The following DAPK1 variants were observed in gnomAD, a reference collection of about 807,000 sequenced individuals.
The protein encoded by DAPK1 is death-associated protein kinase 1.
A neutral mutation model predicts 144.9 loss-of-function variants in DAPK1; 56 were observed. The ratio of observed to expected loss-of-function variants is 0.39; its 90% CI spans 0.31 to 0.48. The LOEUF is 0.48. DAPK1 is among the 20% of genes least tolerant of loss of function. The pLI is 0.95. For synonymous variants in DAPK1, 690 were observed against 749.0 expected (o/e 0.92, Z 1.29); for missense variants, 1,454 against 1,875.4 (o/e 0.78, Z 4.15).
chr9:87,625,519 G>A (rs781469239), intron 3 of DAPK1, among the ~76,000 whole-genome samples: 45 of 152,194 alleles, frequency 3.0e-4, no homozygotes, highest in Non-Finnish European at 6.0e-4. Context: ...CACTGTGATG[G>A]GCTCAGGCGA....
intron 2 of DAPK1, among the ~76,000 whole-genome samples, chr9:87,587,083 C>T (rs1398438747): frequency 6.6e-6 from 1 of 152,164 alleles, no homozygotes; most frequent in Non-Finnish European, 1.5e-5. Flanking sequence ...AGGTGAGATT[C>T]GGAAGCAGGA....
chr9:87,696,879 A>G lies in DAPK1; in HGVS notation c.2414-128A>G, dbSNP rs375395265. 1.0e-3 allele frequency: 738 copies of G among 724,992 alleles called. 11 individuals are homozygous for G. The South Asian group carries it at 0.011, about 11-fold the overall frequency. The allele number at this position is 724,992 out of a possible 1,614,324, so 44.9% of individuals were successfully genotyped here. A position where few individuals can be genotyped will look rare whatever the true frequency, so the allele number is the denominator to read the frequency against. The stretch of plus-strand genomic sequence containing the variant: ...CCATACCCAAGTCATAACAAGATGT[A>G]TACACATACAGAAGAATGCCATAAG... On this transcript the variant is annotated intron_variant, in intron 21 of 25. Transcript: ENST00000408954.
At chr9:87,639,851 C>G (rs1324695557) in intron 7 of DAPK1, 36 bp downstream of exon 7, 18 of 1,606,606 alleles carry the variant, frequency 1.1e-5, no homozygotes, top group Non-Finnish European at 1.4e-5. Flanking sequence ...ACTCTCTTCT[C>G]TTCTATGAGA....
intron 2 of DAPK1, among the ~76,000 whole-genome samples, chr9:87,543,630 G>A (rs148136597): frequency 4.7e-4 from 72 of 152,182 alleles, no homozygotes; most frequent in African/African-American, 1.6e-3. Context: ...GCATTGTTTG[G>A]CAGTACAGTT....
At position 87,686,814 on chromosome 9, in the gene DAPK1, C is replaced by A; in HGVS notation, c.2413+75C>A. ...GGTTGTAAGTCATCCCTAAAGGGAGCTTGTCCTGAGCTGTATCTGTCACTT... is the reference window on the plus strand; with the variant it reads ...GGTTGTAAGTCATCCCTAAAGGGAGATTGTCCTGAGCTGTATCTGTCACTT... On this transcript the variant is annotated intron_variant, in intron 21 of 25. Transcript: ENST00000408954. The surrounding 1 kb of genome is among the most constrained non-coding windows in gnomAD (Gnocchi z 4.2). 1 of 1,396,644 alleles carries A rather than the reference C, an allele frequency of 7.2e-7. No homozygotes were observed. Among genetic ancestry groups the A allele is most frequent in the Non-Finnish European group, 9.8e-7 (1 of 1,019,762 alleles). 86.5% of individuals were successfully genotyped at this position (1,396,644 alleles called of 1,614,324 possible).
At chr9:87,629,830 C>G (rs1202090113) in intron 3 of DAPK1, among the ~76,000 whole-genome samples, 1 of 152,204 alleles carries the variant, frequency 6.6e-6, no homozygotes, top group Non-Finnish European at 1.5e-5. Flanking sequence ...GAGCTGGATT[C>G]TAAATCCCCC....
intron 2 of DAPK1, among the ~76,000 whole-genome samples, chr9:87,570,652 C>T (rs1276778945): frequency 6.6e-6 from 1 of 152,178 alleles, no homozygotes; most frequent in African/African-American, 2.4e-5. Flanking sequence ...TGGCTTAACC[C>T]AGGCGTGCAC....
rs1483704265 is a variant in DAPK1, at chr9:87,647,302, C to T, written c.1231-3C>T. 1.9e-6 allele frequency: 3 copies of T among 1,613,670 alleles called. No individual in the cohort carries two copies. The highest frequency in any genetic ancestry group is 1.7e-4 in the Middle Eastern group (1 of 6,030). The stretch of plus-strand genomic sequence containing the variant: ...ATGTGACCCCAGGTTGATTTTCCTG[C>T]AGGGCGGGTCCAATGCCGTCTACTG... On this transcript the variant is annotated splice_region_variant and splice_polypyrimidine_tract_variant and intron_variant, in intron 13 of 25. Coordinates refer to ENST00000408954, the MANE Select transcript of DAPK1 (RefSeq NM_004938.4).
chr9:87,563,913 T>C (rs958621761), intron 2 of DAPK1, among the ~76,000 whole-genome samples: 36 of 152,216 alleles, frequency 2.4e-4, no homozygotes, highest in African/African-American at 8.0e-4. Flanking sequence ...CAGTGTCCAC[T>C]CCCTGCTCAT....
chr9:87,705,163 C>G (rs537388651), intron 25 of DAPK1, among the ~76,000 whole-genome samples: 53 of 151,130 alleles, frequency 3.5e-4, no homozygotes, highest in African/African-American at 1.3e-3. Context: ...GTTCTCAAGC[C>G]TTTAGAGAAG....
intron 18 of DAPK1, among the ~76,000 whole-genome samples, chr9:87,662,566 T>TTTTTTTTG (rs1409560375): frequency 1.5e-5 from 2 of 129,724 alleles, no homozygotes; most frequent in African/African-American, 5.8e-5. Context: ...CCTAGTTTTT[T>TTTTTTTTG]TTTTTTTTTT....
chr9:87,592,124 C>T (rs36206046), intron 2 of DAPK1, among the ~76,000 whole-genome samples: 1 of 151,414 alleles, frequency 6.6e-6, no homozygotes, highest in East Asian at 1.9e-4. Flanking sequence ...CAAGCACAGC[C>T]TCTTGATCCA....
chr9:87,707,035 C>T lies in DAPK1; in HGVS notation c.3964C>T (p.Pro1322Ser), dbSNP rs1230357688. Residue 1322 changes from proline to serine, a missense_variant, in exon 26 of 26, where the codon CCC becomes TCC. Pro to Ser is a moderately conservative substitution (Grantham distance 74). This residue lies in a region of DAPK1 where 1,025 missense variants were observed against 1,237.9 expected (regional missense o/e 0.83). Coordinates refer to ENST00000408954, the MANE Select transcript of DAPK1 (RefSeq NM_004938.4). The surrounding 1 kb of genome is among the most constrained non-coding windows in gnomAD (Gnocchi z 4.0). ...GAGTCGCCTGCTGGACCCGCCCGAC[C>T]CCCTGGGGAAGGACTGGTGCCTTCT... is the stretch of plus-strand genomic sequence containing the variant. ...KLSRLLDPPDPLGKDWCLLAM... is the reference protein window; with the variant it reads ...KLSRLLDPPDSLGKDWCLLAM... The T allele has an allele frequency of 6.2e-7, 1 of 1,613,790 alleles. No homozygotes were observed.
At chr9:87,560,002 T>G (rs189085485) in intron 2 of DAPK1, among the ~76,000 whole-genome samples, 5 of 120,578 alleles carry the variant, frequency 4.1e-5, no homozygotes, top group Admixed American at 1.6e-4. Context: ...TCTTTCCTTT[T>G]TTCTTTTTTT....
intron 17 of DAPK1, among the ~76,000 whole-genome samples, chr9:87,653,195 G>A (rs936318884): frequency 2.0e-5 from 3 of 149,972 alleles, no homozygotes; most frequent in African/African-American, 2.5e-5. Flanking sequence ...CCATCCCCCC[G>A]ATCCCGGGTC....
intron 19 of DAPK1, among the ~76,000 whole-genome samples, chr9:87,674,615 T>C (rs950916866): frequency 3.3e-5 from 5 of 150,102 alleles, no homozygotes; most frequent in South Asian, 4.2e-4. Context: ...ATGAAAACAA[T>C]TGGGGAGTTG....
chr9:87,614,340 C>G (rs1327207917), intron 3 of DAPK1, among the ~76,000 whole-genome samples: 1 of 152,184 alleles, frequency 6.6e-6, no homozygotes, highest in Non-Finnish European at 1.5e-5. Context: ...TGATGTTCTC[C>G]ATGCTGAATA....
At chr9:87,665,358 T>C (rs1341178237) in intron 18 of DAPK1, among the ~76,000 whole-genome samples, 1 of 152,200 alleles carries the variant, frequency 6.6e-6, no homozygotes, top group African/African-American at 2.4e-5. Context: ...AATGGCACCA[T>C]AGTCCAGGCA....
At chr9:87,664,611 G>A (rs757340137) in intron 18 of DAPK1, among the ~76,000 whole-genome samples, 6 of 152,172 alleles carry the variant, frequency 3.9e-5, no homozygotes, top group Non-Finnish European at 5.9e-5. Flanking sequence ...TATTGGAATC[G>A]TATCCGGATT....
Sources: allele counts gnomAD v4.1 joint callset (sites outside exome capture counted in the v4.1 genomes callset), GRCh38; gene constraint gnomAD v4.1.1; regional missense constraint gnomAD v4.1.1; non-coding constraint Gnocchi (gnomAD v3.1); transcripts MANE v1.5; gene names NCBI Gene and HGNC (gene_info 2026-07-23, HGNC 2026-07-21).